The following SIAH1 variants were observed in gnomAD, a reference collection of about 807,000 sequenced individuals.
The protein encoded by SIAH1 is E3 ubiquitin-protein ligase SIAH1.
In SIAH1, 2 loss-of-function variants were observed where a neutral mutation model predicts 20.0. The observed-to-expected ratio is 0.10, with a 90% CI of 0.04 to 0.31. SIAH1 has a LOEUF of 0.31. SIAH1 is among the 10% of genes least tolerant of loss of function. The probability of loss-of-function intolerance (pLI) is 1.00; values close to 1 mark genes in which losing one functional copy is unlikely to be tolerated. For missense variants in SIAH1, 119 were observed against 355.3 expected (o/e 0.33, Z 5.35); for synonymous variants, 118 against 125.3 (o/e 0.94, Z 0.39).
At position 48,361,253 on chromosome 16, in the gene SIAH1, AAAC is replaced by A. The variant is rs1960578665; in HGVS notation, c.*324_*326del. On this transcript the variant is annotated 3_prime_UTR_variant, in exon 2 of 2. Coordinates refer to ENST00000394725, the MANE Select transcript of SIAH1 (RefSeq NM_003031.4). ...CACGCAGGCACACACTCCCACGCAA[AAAC>A]AAACTTTTTCAACAATACAATCAAT... 1 of 277,890 alleles carries A rather than the reference AAAC, an allele frequency of 3.6e-6. No individual in the cohort carries two copies. Among genetic ancestry groups the A allele is most frequent in the Non-Finnish European group, 7.1e-6 (1 of 141,598 alleles). 17.2% of individuals were successfully genotyped at this position (277,890 alleles called of 1,614,324 possible).
At chr16:48,386,506 C>CA (rs1055244981), upstream of SIAH1, among the ~76,000 whole-genome samples, 30 of 151,854 alleles carry the variant, frequency 2.0e-4, no homozygotes, top group African/African-American at 6.0e-4. Flanking sequence ...GACTCTGTCT[C>CA]AAAAAAATAA....
At chr16:48,382,637 G>A (rs1961328401) in intron 1 of SIAH1, among the ~76,000 whole-genome samples, 1 of 151,980 alleles carries the variant, frequency 6.6e-6, no homozygotes, top group Non-Finnish European at 1.5e-5. Context: ...CTTTTTTGGC[G>A]GGGGGATGGA....
chr16:48,363,044 AAATTATACAAGAG>A (rs2151045021), intron 1 of SIAH1: 1 of 167,150 alleles, frequency 6.0e-6, no homozygotes, highest in South Asian at 2.1e-4. Context: ...GAGATCACTT[AAATTATACAAGAG>A]AATATGCACA....
intron 1 of SIAH1, chr16:48,365,622 TAC>T (rs1960806371): frequency 2.1e-6 from 3 of 1,440,358 alleles, no homozygotes; most frequent in Non-Finnish European, 2.7e-6. Flanking sequence ...AAGCACCAGT[TAC>T]AGAGGTGGAG....
intron 1 of SIAH1, among the ~76,000 whole-genome samples, chr16:48,384,419 C>T (rs1961384443): frequency 6.6e-6 from 1 of 152,142 alleles, no homozygotes; most frequent in Non-Finnish European, 1.5e-5. Context: ...AGGTTATTCA[C>T]TTTAAGTTAT....
At chr16:48,369,648 G>A (rs1264154876) in intron 1 of SIAH1, among the ~76,000 whole-genome samples, 1 of 152,158 alleles carries the variant, frequency 6.6e-6, no homozygotes, top group Non-Finnish European at 1.5e-5. Flanking sequence ...AGGCTGAGGT[G>A]GGAGGCTCAT....
rs1175002634 is a variant in SIAH1 at position 48,362,780 on chromosome 16, C to T, written c.-2-350G>A. 1 of 221,320 alleles carries T rather than the reference C, an allele frequency of 4.5e-6. No individual in the cohort carries two copies. The highest frequency in any genetic ancestry group is 9.8e-6 in the Non-Finnish European group (1 of 101,944). The allele number at this position is 221,320 out of a possible 1,614,324, so 13.7% of individuals were successfully genotyped here. A position where few individuals can be genotyped will look rare whatever the true frequency, so the allele number is the denominator to read the frequency against. On this transcript the variant is annotated intron_variant, in intron 1 of 1. Coordinates refer to ENST00000394725, the MANE Select transcript of SIAH1 (RefSeq NM_003031.4). The surrounding 1 kb of genome is among the most constrained non-coding windows in gnomAD (Gnocchi z 4.2). ...CAAGGAACTGAAGTTTAATCGAATCCGTTTTGCTAGGACTCTCCCTGAGGC... is the reference window on the plus strand; with the variant it reads ...CAAGGAACTGAAGTTTAATCGAATCTGTTTTGCTAGGACTCTCCCTGAGGC...
upstream of SIAH1, chr16:48,385,575 G>A (rs1282035391): frequency 6.6e-6 from 1 of 151,888 alleles, no homozygotes; most frequent in South Asian, 2.1e-4. Flanking sequence ...GTAGCTGTGC[G>A]GGTCTCCAAA....
intron 1 of SIAH1, among the ~76,000 whole-genome samples, chr16:48,373,632 G>A (rs1193289474): frequency 6.6e-6 from 1 of 151,744 alleles, no homozygotes; most frequent in African/African-American, 2.4e-5. Flanking sequence ...ATTGTTCCCA[G>A]CTATGTCTCC....
At chr16:48,377,357 T>C (rs543101456) in intron 1 of SIAH1, among the ~76,000 whole-genome samples, 32 of 151,596 alleles carry the variant, frequency 2.1e-4, no homozygotes, top group African/African-American at 7.5e-4. Context: ...GGTCATATCT[T>C]GTCTGTAACA....
In SIAH1 at chr16:48,361,468, T is replaced by C. The variant is rs1363470125; in HGVS notation, c.*112A>G. 2.0e-6 allele frequency: 2 copies of C among 979,834 alleles called. No homozygotes were observed. Among genetic ancestry groups the C allele is most frequent in the African/African-American group, 1.6e-5 (1 of 61,748 alleles). 60.7% of individuals were successfully genotyped at this position (979,834 alleles called of 1,614,324 possible). ...CAGCCTTTCTTTTTATTTACCTTCA[T>C]GTGTCTAGCTTCCACCTACCGAAAG... On this transcript the variant is annotated 3_prime_UTR_variant, in exon 2 of 2. Coordinates refer to ENST00000394725, the MANE Select transcript of SIAH1 (RefSeq NM_003031.4).
In SIAH1 at chr16:48,361,567, TTTGA is replaced by T; in HGVS notation, c.*9_*12del. 2.5e-6 allele frequency: 4 copies of T among 1,609,190 alleles called. No individual in the cohort carries two copies. Among genetic ancestry groups the T allele is most frequent in the Non-Finnish European group, 3.4e-6 (4 of 1,177,690 alleles). On this transcript the variant is annotated 3_prime_UTR_variant, in exon 2 of 2. Coordinates refer to ENST00000394725, the MANE Select transcript of SIAH1 (RefSeq NM_003031.4). ...AGTTTTAAACACTGGCCAGAAAATG[TTTGA>T]TTGCCATTTCAACACATGGAAATAG...
chr16:48,360,933 T>G lies in SIAH1; in HGVS notation c.*647A>C, dbSNP rs750673590. 6.6e-6 allele frequency: 1 copy of G among 152,152 alleles called. No individual in the cohort carries two copies. Among genetic ancestry groups the G allele is most frequent in the Non-Finnish European group, 1.5e-5 (1 of 68,020 alleles). 9.4% of individuals were successfully genotyped at this position (152,152 alleles called of 1,614,324 possible). A position where few individuals can be genotyped will look rare whatever the true frequency, so the allele number is the denominator to read the frequency against. On this transcript the variant is annotated 3_prime_UTR_variant, in exon 2 of 2. Coordinates refer to ENST00000394725, the MANE Select transcript of SIAH1 (RefSeq NM_003031.4). ...ATAGCTGATTTTAAAATATTTCTAA[T>G]GAACTGATTAATGGGGGAAAAGAAA...
At chr16:48,365,224 T>C in intron 1 of SIAH1, 2 of 707,124 alleles carry the variant, frequency 2.8e-6, no homozygotes, top group Non-Finnish European at 4.6e-6. Flanking sequence ...AACCTGAAGT[T>C]TGATTTAAAC....
intron 1 of SIAH1, among the ~76,000 whole-genome samples, chr16:48,374,556 A>G (rs1288392587): frequency 6.6e-6 from 1 of 152,190 alleles, no homozygotes; most frequent in African/African-American, 2.4e-5. Flanking sequence ...GGGTTACAAT[A>G]AACAGAAGAC....
At position 48,362,242 on chromosome 16, in the gene SIAH1, T is replaced by C; in HGVS notation, c.187A>G (p.Ser63Gly). The C allele has an allele frequency of 1.9e-6, 3 of 1,614,188 alleles. No homozygotes were observed. The highest frequency in any genetic ancestry group is 2.5e-6 in the Non-Finnish European group (3 of 1,180,030). ...LQCQSGHLVC[S>G]NCRPKLTCCP... ...CATGTGAGCTTTGGGCGACAGTTGC[T>C]ACAAACAAGATGGCCACTCTGACAT... Residue 63 changes from serine to glycine, a missense_variant, in exon 2 of 2, where the codon AGC (serine) becomes GGC (glycine). This residue lies in a region of SIAH1 where 84 missense variants were observed against 307.8 expected (regional missense o/e 0.27). Transcript: ENST00000394725. This position sits in a 1 kb window ranked among gnomAD's most constrained non-coding sequence, Gnocchi z 4.2.
In SIAH1 at chr16:48,362,534, A is replaced by C. The variant is rs1006572064; in HGVS notation, c.-2-104T>G. ...AAGTCCTTTTAAAGTTTCATACAAA[A>C]TTTACTGAGCAAAAGAGGAAGAAAA... On this transcript the variant is annotated intron_variant, in intron 1 of 1. Transcript: ENST00000394725. This position sits in a 1 kb window ranked among gnomAD's most constrained non-coding sequence, Gnocchi z 4.2. 3.4e-6 allele frequency: 4 copies of C among 1,170,350 alleles called. No individual in the cohort carries two copies. Among genetic ancestry groups the C allele is most frequent in the Non-Finnish European group, 4.8e-6 (4 of 825,256 alleles). 72.5% of individuals were successfully genotyped at this position (1,170,350 alleles called of 1,614,324 possible).
At position 48,361,061 on chromosome 16, in the gene SIAH1, AGTC is replaced by A. The variant is rs1960564705; in HGVS notation, c.*516_*518del. On this transcript the variant is annotated 3_prime_UTR_variant, in exon 2 of 2. Coordinates refer to ENST00000394725, the MANE Select transcript of SIAH1 (RefSeq NM_003031.4). ...AAAGGAAAAACCTGAATTACAGAAA[AGTC>A]AAATTTATTTAATGAAAAACTAAAA... is the stretch of plus-strand genomic sequence containing the variant. 1.3e-5 allele frequency: 2 copies of A among 152,670 alleles called. No individual in the cohort carries two copies. Among genetic ancestry groups the A allele is most frequent in the Non-Finnish European group, 2.9e-5 (2 of 68,206 alleles). The allele number at this position is 152,670 out of a possible 1,614,324, so 9.5% of individuals were successfully genotyped here. A position where few individuals can be genotyped will look rare whatever the true frequency, so the allele number is the denominator to read the frequency against.
intron 1 of SIAH1, among the ~76,000 whole-genome samples, chr16:48,367,053 G>A (rs991242824): frequency 6.6e-6 from 1 of 152,012 alleles, no homozygotes; most frequent in Non-Finnish European, 1.5e-5. Context: ...ACCACAGGCT[G>A]GCACCACCAC....
Sources: gnomAD v4.1 joint callset for allele counts (sites outside exome capture counted in the v4.1 genomes callset) on GRCh38, gnomAD v4.1.1 for gene constraint, gnomAD v4.1.1 regional missense constraint, Gnocchi (gnomAD v3.1) non-coding constraint, MANE v1.5 for transcripts, NCBI Gene and HGNC (gene_info 2026-07-23, HGNC 2026-07-21) for gene names.